The following DYNC1I2 variants were observed in gnomAD, a reference collection of about 807,000 sequenced individuals.
DYNC1I2 encodes the protein dynein cytoplasmic 1 intermediate chain 2.
DYNC1I2 carries 53 observed loss-of-function variants against 88.6 expected under a neutral mutation model. The observed-to-expected ratio is 0.60, with a 90% confidence interval of 0.48 to 0.75. DYNC1I2 has a LOEUF of 0.75. Ranked by LOEUF, DYNC1I2 falls within the 30% of genes least tolerant of loss-of-function variation. DYNC1I2 has a pLI of 0.00. For missense variants in DYNC1I2, 458 were observed against 766.6 expected, an observed-to-expected ratio of 0.60 and a Z score of 4.75; for synonymous variants, 198 against 254.6, an observed-to-expected ratio of 0.78 and a Z score of 2.12.
chr2:171,744,269 T>C, intron 16 of DYNC1I2, 80 bp downstream of exon 16: 3 of 1,420,120 alleles, frequency 2.1e-6, no homozygotes, highest in South Asian at 1.5e-5. Context: ...ATTCCTTTTT[T>C]TCCAAAGAAT....
intron 7 of DYNC1I2, among the ~76,000 whole-genome samples, chr2:171,721,121 T>TAAAAAA: frequency 1.6e-5 from 1 of 60,778 alleles, no homozygotes; most frequent in Non-Finnish European, 3.0e-5. Context: ...CCCCATCTCT[T>TAAAAAA]AAAAAAAAAA....
At chr2:171,692,978 T>C (rs1364439022) in intron 3 of DYNC1I2, 84 bp downstream of exon 3, 2 of 948,998 alleles carry the variant, frequency 2.1e-6, no homozygotes, top group South Asian at 3.0e-5. Context: ...TGACTTGATA[T>C]ATTTTACATA....
chr2:171,715,206 T>G, intron 6 of DYNC1I2, 122 bp from the exon 7 acceptor site: 1 of 567,164 alleles, frequency 1.8e-6, no homozygotes, highest in Middle Eastern at 5.0e-4. Context: ...AATCTAAAAT[T>G]TCTTGAATAA....
At chr2:171,729,617 C>A (rs372283350) in intron 14 of DYNC1I2, 92 bp from the exon 15 acceptor site, 1 of 1,362,448 alleles carries the variant, frequency 7.3e-7, no homozygotes, top group South Asian at 1.3e-5. Flanking sequence ...AAAATGAAGT[C>A]AAGGCCTGAT....
intron 3 of DYNC1I2, among the ~76,000 whole-genome samples, chr2:171,694,634 G>A (rs1048285573): frequency 6.6e-6 from 1 of 152,116 alleles, no homozygotes; most frequent in African/African-American, 2.4e-5. Context: ...TCCAGTGTGG[G>A]CAACAGGAGT....
chr2:171,695,099 G>A (rs994253453), intron 3 of DYNC1I2, among the ~76,000 whole-genome samples: 1 of 151,450 alleles, frequency 6.6e-6, no homozygotes, highest in Admixed American at 6.6e-5. Flanking sequence ...TTATTTGTTT[G>A]GTTTTTGGTT....
At chr2:171,711,017 C>A (rs191910972) in intron 5 of DYNC1I2, among the ~76,000 whole-genome samples, 1 of 141,196 alleles carries the variant, frequency 7.1e-6, no homozygotes. Flanking sequence ...ATCCCTCCCC[C>A]CTCCCCTCAC....
intron 6 of DYNC1I2, 144 bp from the exon 7 acceptor site, chr2:171,715,184 C>T: frequency 1.9e-6 from 1 of 523,006 alleles, no homozygotes; most frequent in Non-Finnish European, 3.4e-6. Flanking sequence ...AAAATAAAGC[C>T]AATTTATTGT....
At chr2:171,729,910 C>A in intron 15 of DYNC1I2, 57 bp downstream of exon 15, 1 of 1,579,674 alleles carries the variant, frequency 6.3e-7, no homozygotes, top group Admixed American at 1.7e-5. Flanking sequence ...AGGTGGTGAT[C>A]TAATACTACA....
intron 15 of DYNC1I2, among the ~76,000 whole-genome samples, chr2:171,737,702 G>A (rs934190602): frequency 6.6e-6 from 1 of 152,052 alleles, no homozygotes; most frequent in African/African-American, 2.4e-5. Flanking sequence ...TATAGTGTGA[G>A]CCACCACACC....
chr2:171,694,585 AG>A (rs1440388561), intron 3 of DYNC1I2, among the ~76,000 whole-genome samples: 3 of 152,086 alleles, frequency 2.0e-5, no homozygotes, highest in Admixed American at 1.3e-4. Context: ...TGAACCTGGG[AG>A]GCAGAGGTTG....
At chr2:171,747,551 GATA>G (rs1439792223) in intron 17 of DYNC1I2, among the ~76,000 whole-genome samples, 4 of 152,096 alleles carry the variant, frequency 2.6e-5, no homozygotes, top group Non-Finnish European at 5.9e-5. Context: ...CATTGGTGGT[GATA>G]ATAGCCAAGT....
At chr2:171,707,500 A>G (rs946187647) in intron 5 of DYNC1I2, 123 bp downstream of exon 5, 44 of 791,088 alleles carry the variant, frequency 5.6e-5, no homozygotes, top group African/African-American at 9.1e-5. Flanking sequence ...AAAATCTAAA[A>G]TGGCATAGAA....
chr2:171,718,234 A>G (rs1236066644), intron 7 of DYNC1I2, among the ~76,000 whole-genome samples: 1 of 152,228 alleles, frequency 6.6e-6, no homozygotes, highest in Non-Finnish European at 1.5e-5. Flanking sequence ...CTGGGATTAC[A>G]GGCATGAGCC....
intron 7 of DYNC1I2, among the ~76,000 whole-genome samples, chr2:171,719,610 C>T (rs958742407): frequency 9.2e-5 from 14 of 152,124 alleles, no homozygotes; most frequent in African/African-American, 1.2e-4. Context: ...TACAGAAATC[C>T]GTGACTTACC....
chr2:171,710,007 G>A (rs1051781758), intron 5 of DYNC1I2, among the ~76,000 whole-genome samples: 8 of 151,984 alleles, frequency 5.3e-5, no homozygotes, highest in Admixed American at 1.3e-4. Context: ...TTGAGCCACC[G>A]CACCCAGCCA....
chr2:171,745,327 G>C (rs1038325923), intron 16 of DYNC1I2, among the ~76,000 whole-genome samples: 1 of 152,154 alleles, frequency 6.6e-6, no homozygotes, highest in African/African-American at 2.4e-5. Context: ...TGCACCTTCA[G>C]TATGAACCGT....
At chr2:171,689,023 A>G (rs185376873) in intron 1 of DYNC1I2, among the ~76,000 whole-genome samples, 14 of 152,154 alleles carry the variant, frequency 9.2e-5, no homozygotes, top group Admixed American at 9.2e-4. Flanking sequence ...AAAAAATCCT[A>G]ATTCATTATT....
intron 5 of DYNC1I2, among the ~76,000 whole-genome samples, chr2:171,710,923 G>T (rs1687078513): frequency 6.6e-6 from 1 of 150,826 alleles, no homozygotes; most frequent in Non-Finnish European, 1.5e-5. Flanking sequence ...CAATGTGCAG[G>T]TTTGTTACAT....
Sources: gnomAD v4.1 joint callset for allele counts (sites outside exome capture counted in the v4.1 genomes callset) on GRCh38, gnomAD v4.1.1 for gene constraint, MANE v1.5 for transcripts, NCBI Gene and HGNC (gene_info 2026-07-23, HGNC 2026-07-21) for gene names.